Variants in GRIA4 observed in about 807,000 individuals in gnomAD.
GRIA4 encodes the protein glutamate ionotropic receptor AMPA type subunit 4.
Under a neutral mutation model 104.0 loss-of-function variants are expected in GRIA4, and 34 were observed. That is an observed-to-expected ratio of 0.33 (90% CI 0.25 to 0.44). The LOEUF (loss-of-function observed/expected upper bound fraction) is 0.44, where lower values mean the gene tolerates loss of function less well. GRIA4 is among the 20% of genes least tolerant of loss of function. GRIA4 has a pLI of 1.00. For synonymous variants in GRIA4, 386 were observed against 381.9 expected (o/e 1.01, Z -0.13); for missense variants, 750 against 1,096.5 (o/e 0.68, Z 4.46).
chr11:105,770,467 C>G (rs1941158398), intron 4 of GRIA4, among the ~76,000 whole-genome samples: 1 of 151,974 alleles, frequency 6.6e-6, no homozygotes, highest in Admixed American at 6.6e-5. Context: ...ACTTTCTCAG[C>G]CTTCCACTTC....
rs1859202358 is a variant in GRIA4 at position 105,980,211 on chromosome 11, A to G, written c.*472A>G. ...GAAGAAAATCCAGCTGAGAAAACAA[A>G]TCACTAAACTGTGATAAGAAAATAA... On this transcript the variant is annotated 3_prime_UTR_variant, in exon 17 of 17. Transcript: ENST00000282499. 1 of 153,082 alleles carries G rather than the reference A, an allele frequency of 6.5e-6. No homozygotes were observed. Among genetic ancestry groups the G allele is most frequent in the Non-Finnish European group, 1.5e-5 (1 of 68,368 alleles). The allele number at this position is 153,082 out of a possible 1,614,324, so 9.5% of individuals were successfully genotyped here. A position where few individuals can be genotyped will look rare whatever the true frequency, so the allele number is the denominator to read the frequency against.
At chr11:105,953,309 T>C (rs1008573032) in intron 14 of GRIA4, among the ~76,000 whole-genome samples, 1 of 152,206 alleles carries the variant, frequency 6.6e-6, no homozygotes, top group African/African-American at 2.4e-5. Context: ...TCTCAGTAGG[T>C]CATTAATTGA....
chr11:105,677,700 G>A (rs1007446668), intron 3 of GRIA4, among the ~76,000 whole-genome samples: 5 of 151,916 alleles, frequency 3.3e-5, no homozygotes, highest in African/African-American at 1.2e-4. Context: ...GCACAGCCAT[G>A]CAGAAATTTC....
At chr11:105,907,577 C>T (rs1423774239) in intron 9 of GRIA4, among the ~76,000 whole-genome samples, 1 of 152,170 alleles carries the variant, frequency 6.6e-6, no homozygotes, top group East Asian at 1.9e-4. Context: ...AGCCACAAAG[C>T]TCTTTCTGAA....
chr11:105,783,349 C>G (rs1432134527), intron 4 of GRIA4, among the ~76,000 whole-genome samples: 1 of 152,188 alleles, frequency 6.6e-6, no homozygotes, highest in Admixed American at 6.5e-5. Context: ...GAAGGGAACA[C>G]AAAGTCACAT....
At chr11:105,975,987 T>G (rs1273481918) in intron 16 of GRIA4, among the ~76,000 whole-genome samples, 1 of 152,114 alleles carries the variant, frequency 6.6e-6, no homozygotes, top group African/African-American at 2.4e-5. Flanking sequence ...TTTTAGCATG[T>G]CTTATGATAG....
chr11:105,703,638 T>C (rs1377112481), intron 3 of GRIA4, among the ~76,000 whole-genome samples: 1 of 152,072 alleles, frequency 6.6e-6, no homozygotes, highest in Non-Finnish European at 1.5e-5. Context: ...AAATTATGGA[T>C]TTTTTTAAAT....
At chr11:105,704,922 A>G (rs972791386) in intron 3 of GRIA4, among the ~76,000 whole-genome samples, 21 of 152,156 alleles carry the variant, frequency 1.4e-4, no homozygotes, top group Non-Finnish European at 2.4e-4. Context: ...ATAAAAGTTC[A>G]TATGGAAAAA....
intron 4 of GRIA4, among the ~76,000 whole-genome samples, chr11:105,771,403 G>T (rs1425265659): frequency 1.3e-5 from 2 of 151,944 alleles, no homozygotes; most frequent in Non-Finnish European, 2.9e-5. Context: ...ACTCAACTCT[G>T]CTCTGTCAAC....
intron 3 of GRIA4, among the ~76,000 whole-genome samples, chr11:105,701,190 T>C (rs1235893381): frequency 2.0e-5 from 3 of 152,206 alleles, no homozygotes; most frequent in Admixed American, 6.5e-5. Flanking sequence ...ATTCCTTTCA[T>C]AGGATTTGCC....
At chr11:105,920,863 C>T (rs992538743) in intron 11 of GRIA4, among the ~76,000 whole-genome samples, 4 of 152,162 alleles carry the variant, frequency 2.6e-5, no homozygotes, top group Non-Finnish European at 5.9e-5. Context: ...GTCTCTTACA[C>T]ACTCCACAGT....
At chr11:105,610,712 T>G (rs980120167) in intron 1 of GRIA4, 196 bp from the exon 2 acceptor site, 1 of 376,616 alleles carries the variant, frequency 2.7e-6, no homozygotes, top group Non-Finnish European at 4.9e-6. Flanking sequence ...CACCATCTTT[T>G]GCATGTGCAA....
At chr11:105,863,159 T>C (rs1945287573) in intron 5 of GRIA4, among the ~76,000 whole-genome samples, 1 of 152,208 alleles carries the variant, frequency 6.6e-6, no homozygotes, top group African/African-American at 2.4e-5. Context: ...TAGTATTCAA[T>C]TGTAAGAATG....
At chr11:105,901,804 T>C (rs553958910) in intron 7 of GRIA4, among the ~76,000 whole-genome samples, 6 of 152,328 alleles carry the variant, frequency 3.9e-5, no homozygotes, top group African/African-American at 1.2e-4. Context: ...GTGCCATCTC[T>C]TCTCAGCTTC....
intron 3 of GRIA4, among the ~76,000 whole-genome samples, chr11:105,634,392 GAAGGAAGGAAGGAGA>G (rs1371083331): frequency 8.2e-5 from 12 of 146,152 alleles, no homozygotes; most frequent in South Asian, 6.5e-4. Flanking sequence ...AGGAAAGAAG[GAAGGAAGGAAGGAGA>G]AAGGAAGGAA....
intron 4 of GRIA4, among the ~76,000 whole-genome samples, chr11:105,778,929 TC>T (rs1327167043): frequency 2.3e-4 from 16 of 70,502 alleles, no homozygotes; most frequent in African/African-American, 8.6e-4. Context: ...ATACTATCCC[TC>T]CCCCCTCCCC....
At chr11:105,860,454 C>T (rs1266291501) in intron 4 of GRIA4, among the ~76,000 whole-genome samples, 1 of 152,124 alleles carries the variant, frequency 6.6e-6, no homozygotes, top group Non-Finnish European at 1.5e-5. Flanking sequence ...ATTCCAGTAT[C>T]ACAGGAAGAA....
At chr11:105,623,282 A>G (rs1950801916) in intron 3 of GRIA4, among the ~76,000 whole-genome samples, 1 of 151,852 alleles carries the variant, frequency 6.6e-6, no homozygotes, top group Non-Finnish European at 1.5e-5. Context: ...CTCAGACTGA[A>G]AGTTGTGCTA....
In GRIA4 at chr11:105,856,278, T is replaced by C. The variant is rs536169725; in HGVS notation, c.488-5746T>C. Among the ~76,000 whole-genome samples, 8 of 152,280 alleles carry C rather than the reference T, an allele frequency of 5.3e-5. No individual in the cohort carries two copies. The East Asian group carries it at 1.4e-3, about 26-fold the overall frequency. ...TTTGTCACTCTTTTCTGAGAGTCTATGAAGTAAAACCTAAATTTCTTTAAA... is the reference window on the plus strand; with the variant it reads ...TTTGTCACTCTTTTCTGAGAGTCTACGAAGTAAAACCTAAATTTCTTTAAA... On this transcript the variant is annotated intron_variant, in intron 4 of 16. Coordinates refer to ENST00000282499, the MANE Select transcript of GRIA4 (RefSeq NM_000829.4).
Sources: allele counts gnomAD v4.1 joint callset (sites outside exome capture counted in the v4.1 genomes callset), GRCh38; gene constraint gnomAD v4.1.1; transcripts MANE v1.5; gene names NCBI Gene and HGNC (gene_info 2026-07-23, HGNC 2026-07-21).